Variants in SASH1 observed in about 807,000 individuals in gnomAD.
The protein encoded by SASH1 is SAM and SH3 domain-containing protein 1.
Under a neutral mutation model 125.2 loss-of-function variants are expected in SASH1, and 44 were observed. The observed-to-expected ratio is 0.35, with a 90% CI of 0.28 to 0.45. SASH1 has a LOEUF of 0.45. SASH1 is among the 20% of genes least tolerant of loss of function. SASH1 has a pLI of 1.00. For synonymous variants in SASH1, 639 were observed against 649.1 expected (o/e 0.98, Z 0.24); for missense variants, 1,426 against 1,614.5 (o/e 0.88, Z 2.00).
chr6:148,291,735 T>A (rs2493925), intron 1 of SASH1, among the ~76,000 whole-genome samples: 8,898 of 151,616 alleles, frequency 0.059, 301 homozygotes, highest in South Asian at 0.087. Flanking sequence ...ACTTTTTTTT[T>A]AAAAAAAGAA....
At chr6:148,498,449 G>C (rs1388209780) in intron 8 of SASH1, among the ~76,000 whole-genome samples, 2 of 151,254 alleles carry the variant, frequency 1.3e-5, no homozygotes, top group Non-Finnish European at 2.9e-5. Context: ...GGGCCACATT[G>C]ATAAAAACAA....
chr6:148,306,203 A>G (rs1780126154), intron 1 of SASH1, among the ~76,000 whole-genome samples: 1 of 152,160 alleles, frequency 6.6e-6, no homozygotes, highest in East Asian at 1.9e-4. Flanking sequence ...TAAATACCCT[A>G]CCTACTTCTT....
At chr6:148,500,971 T>C (rs1198980261) in intron 8 of SASH1, among the ~76,000 whole-genome samples, 1 of 152,190 alleles carries the variant, frequency 6.6e-6, no homozygotes, top group African/African-American at 2.4e-5. Flanking sequence ...TAGTCTAGAT[T>C]TCTTCAATTT....
rs201965865 is a variant in SASH1 at position 148,462,286 on chromosome 6, TTTTTC to T, written c.387-6244_387-6240del. Among the ~76,000 whole-genome samples the T allele has an allele frequency of 1.3e-3, 199 of 151,746 alleles. No homozygotes were observed. The East Asian group carries it at 0.02, about 16-fold the overall frequency. On this transcript the variant is annotated intron_variant, in intron 4 of 19. Coordinates refer to ENST00000367467, the MANE Select transcript of SASH1 (RefSeq NM_015278.5). ...ATGAGGTTATAACCACTTTCCTTTC[TTTTTC>T]TTTTCTTTTCTTTTTTTTTTTTCTT... is the stretch of plus-strand genomic sequence containing the variant.
intron 2 of SASH1, among the ~76,000 whole-genome samples, chr6:148,400,507 T>G (rs941229204): frequency 2.0e-5 from 3 of 152,208 alleles, no homozygotes; most frequent in Non-Finnish European, 4.4e-5. Flanking sequence ...CCCAGCACTT[T>G]GGGAGGCAGA....
rs188624857 is a variant in SASH1, at chr6:148,400,628, A to G, written c.285+10366A>G. On this transcript the variant is annotated intron_variant, in intron 2 of 19. Transcript: ENST00000367467. The stretch of plus-strand genomic sequence containing the variant: ...AAACAGGGCGTGGTGGCACACACCT[A>G]TTGTCCCAGCCACTGGGAAGCCTGA... 4.7e-4 allele frequency among the ~76,000 whole-genome samples: 71 copies of G among 152,236 alleles called. 1 individual carries two copies. The highest frequency in any genetic ancestry group is 1.7e-3 in the African/African-American group (70 of 41,548).
At chr6:148,210,138 G>A in the SASH1 span, among the ~76,000 whole-genome samples, 1 of 152,178 alleles carries the variant, frequency 6.6e-6, no homozygotes, top group African/African-American at 2.4e-5. Flanking sequence ...TTTTCACAGT[G>A]GCCAAGCCAA....
chr6:148,220,335 A>G, the SASH1 span, among the ~76,000 whole-genome samples: 1 of 152,168 alleles, frequency 6.6e-6, no homozygotes, highest in Non-Finnish European at 1.5e-5. Context: ...GGAAGTGCAG[A>G]AGAGCGAAGA....
At position 148,484,342 on chromosome 6, in the gene SASH1, A is replaced by ACG. The variant is rs201383349; in HGVS notation, c.628-3271_628-3270insGC. On this transcript the variant is annotated intron_variant, in intron 7 of 19. Coordinates refer to ENST00000367467, the MANE Select transcript of SASH1 (RefSeq NM_015278.5). ...GAGGGAATGTTTTTGCTTAAGACAC[A>ACG]CACACACACCTTAAAATGTCATTAT... Among the ~76,000 whole-genome samples the ACG allele has an allele frequency of 1.7e-3, 266 of 152,188 alleles. 1 individual carries two copies. Among genetic ancestry groups the ACG allele is most frequent in the African/African-American group, 6.2e-3 (256 of 41,488 alleles).
At chr6:148,364,848 C>T (rs1348073597) in intron 1 of SASH1, among the ~76,000 whole-genome samples, 1 of 152,142 alleles carries the variant, frequency 6.6e-6, no homozygotes, top group South Asian at 2.1e-4. Flanking sequence ...TCCGGCCGGG[C>T]ACAGTGCTTC....
chr6:148,247,101 G>A, the SASH1 span, among the ~76,000 whole-genome samples: 68 of 152,304 alleles, frequency 4.5e-4, 1 homozygote, highest in African/African-American at 1.5e-3. Flanking sequence ...CATGGTCCAT[G>A]GACTAGCTTC....
In SASH1 at chr6:148,347,959, T is replaced by C. The variant is rs948562822; in HGVS notation, c.156+4736T>C. Among the ~76,000 whole-genome samples the C allele has an allele frequency of 2.0e-5, 3 of 152,188 alleles. 1 individual carries two copies. In the South Asian group the frequency reaches 6.2e-4, roughly 32 times the overall value. ...ACTCAGGCGTCTGGATGTTCACTTC[T>C]TTGGCAAAGACTAAGTCAATGGCTT... On this transcript the variant is annotated intron_variant, in intron 1 of 19. Coordinates refer to ENST00000367467, the MANE Select transcript of SASH1 (RefSeq NM_015278.5).
At chr6:148,327,060 A>G (rs1301501487) in intron 1 of SASH1, among the ~76,000 whole-genome samples, 1 of 151,982 alleles carries the variant, frequency 6.6e-6, no homozygotes, top group Non-Finnish European at 1.5e-5. Flanking sequence ...TTCATGAACA[A>G]TTCTTGCTCC....
chr6:148,246,636 A>G, the SASH1 span, among the ~76,000 whole-genome samples: 1 of 152,264 alleles, frequency 6.6e-6, no homozygotes, highest in Non-Finnish European at 1.5e-5. Context: ...TAGTAAAAAG[A>G]AAATATTTTA....
the SASH1 span, among the ~76,000 whole-genome samples, chr6:148,213,505 G>GGGGTGTGTGTGT: frequency 6.7e-6 from 1 of 148,352 alleles, no homozygotes; most frequent in African/African-American, 2.5e-5. Flanking sequence ...CTAGCCAAAG[G>GGGGTGTGTGTGT]GTGTGTGTGT....
chr6:148,337,026 C>T (rs931712481), intron 1 of SASH1, among the ~76,000 whole-genome samples: 1 of 152,076 alleles, frequency 6.6e-6, no homozygotes, highest in Admixed American at 6.6e-5. Context: ...GGCTTTTAAA[C>T]TTTTGTAATT....
At chr6:148,308,365 A>G (rs1044592781) in intron 1 of SASH1, among the ~76,000 whole-genome samples, 15 of 150,414 alleles carry the variant, frequency 1.0e-4, no homozygotes, top group African/African-American at 3.2e-4. Context: ...CTCTTCAGGT[A>G]TCATATCAGT....
At chr6:148,511,778 C>T (rs1212696502) in intron 8 of SASH1, among the ~76,000 whole-genome samples, 1 of 152,072 alleles carries the variant, frequency 6.6e-6, no homozygotes, top group African/African-American at 2.4e-5. Context: ...CACTCTAGTA[C>T]ATATAATGAT....
chr6:148,316,638 G>A (rs1226348939), intron 1 of SASH1, among the ~76,000 whole-genome samples: 1 of 152,222 alleles, frequency 6.6e-6, no homozygotes, highest in Non-Finnish European at 1.5e-5. Context: ...CCTAGGCACT[G>A]AAAGTTAGAC....
Sources: gnomAD v4.1 joint callset for allele counts (sites outside exome capture counted in the v4.1 genomes callset) on GRCh38, gnomAD v4.1.1 for gene constraint, MANE v1.5 for transcripts, NCBI Gene and HGNC (gene_info 2026-07-23, HGNC 2026-07-21) for gene names.